Variants in MC1R observed in about 807,000 individuals in gnomAD.
The protein encoded by MC1R is melanocortin 1 receptor, also known as melanocyte-stimulating hormone receptor.
For synonymous variants in MC1R, 263 were observed against 203.8 expected (o/e 1.29, Z -2.47); for missense variants, 542 against 430.0 (o/e 1.26, Z -2.30).
At position 89,920,817 on chromosome 16, in the gene MC1R, C is replaced by T. The variant is rs942931543; in HGVS notation, c.*605C>T. ...TATGGGGCTGAGCCCTCCTGAGGGCCGGTTCTAAGGCTCAGACTGGGCACT... is the reference window on the plus strand; with the variant it reads ...TATGGGGCTGAGCCCTCCTGAGGGCTGGTTCTAAGGCTCAGACTGGGCACT... On this transcript the variant is annotated 3_prime_UTR_variant, in exon 1 of 1. Transcript: ENST00000555147. 1.9e-5 allele frequency: 12 copies of T among 623,616 alleles called. No homozygotes were observed. The highest frequency in any genetic ancestry group is 3.2e-5 in the Non-Finnish European group (11 of 341,502). The allele number at this position is 623,616 out of a possible 1,614,324, so 38.6% of individuals were successfully genotyped here.
rs886052507 is a variant in MC1R at position 89,920,323 on chromosome 16, CAA to C, written c.*113_*114del. On this transcript the variant is annotated 3_prime_UTR_variant, in exon 1 of 1. Coordinates refer to ENST00000555147, the MANE Select transcript of MC1R (RefSeq NM_002386.4). Reference sequence around the variant, plus strand: ...CCTTACCTCCCTGGTCCCCGTTTGTCAAAGAGGATGGACTAAATGATCTCTGA... The same window carrying C: ...CCTTACCTCCCTGGTCCCCGTTTGTCAGAGGATGGACTAAATGATCTCTGA... 1.8e-4 allele frequency: 165 copies of C among 902,038 alleles called. No individual in the cohort carries two copies. The highest frequency in any genetic ancestry group is 2.3e-4 in the Non-Finnish European group (134 of 578,006). 55.9% of individuals were successfully genotyped at this position (902,038 alleles called of 1,614,324 possible).
In MC1R at chr16:89,919,959, G is replaced by A; in HGVS notation, c.701G>A (p.Gly234Asp). The change falls in exon 1 of 1, where the codon GGC becomes GAC. Residue 234 changes from glycine to aspartate, a missense_variant. Gly to Asp is a moderately conservative substitution (Grantham distance 94). Transcript: ENST00000555147. ...LHKRQRPVHQGFGLKGAVTLT... is the reference protein window; with the variant it reads ...LHKRQRPVHQDFGLKGAVTLT... ...AAGAGGCAGCGCCCGGTCCACCAGG[G>A]CTTTGGCCTTAAAGGCGCTGTCACC... The A allele has an allele frequency of 1.2e-6, 2 of 1,612,452 alleles. No individual in the cohort carries two copies. Among genetic ancestry groups the A allele is most frequent in the South Asian group, 1.1e-5 (1 of 91,092 alleles).
In MC1R at chr16:89,918,903, A is replaced by G. The variant is rs76337330; in HGVS notation, c.-356A>G. The G allele has an allele frequency of 9.4e-3, 2,731 of 289,956 alleles. 37 individuals carry two copies. The highest frequency in any genetic ancestry group is 0.068 in the South Asian group (586 of 8,560). 18.0% of individuals were successfully genotyped at this position (289,956 alleles called of 1,614,324 possible). A position where few individuals can be genotyped will look rare whatever the true frequency, so the allele number is the denominator to read the frequency against. ...CAGCGCAGCCCTGGCCCAGGAAGGC[A>G]GGAGACAGAGGCCAGGACGGTCCAG... On this transcript the variant is annotated 5_prime_UTR_variant, in exon 1 of 1. Coordinates refer to ENST00000555147, the MANE Select transcript of MC1R (RefSeq NM_002386.4).
Position 89,919,148 on chromosome 16 carries a change from G to T in MC1R, c.-111G>T. The T allele has an allele frequency of 1.4e-6, 1 of 738,586 alleles. No homozygotes were observed. The highest frequency in any genetic ancestry group is 2.2e-6 in the Non-Finnish European group (1 of 453,308). 45.8% of individuals were successfully genotyped at this position (738,586 alleles called of 1,614,324 possible). ...CAGATGGAAGGAGGCAGGCATGGGG[G>T]ACACCCAAGGCCCCCTGGCAGCACC... On this transcript the variant is annotated 5_prime_UTR_variant, in exon 1 of 1. Coordinates refer to ENST00000555147, the MANE Select transcript of MC1R (RefSeq NM_002386.4).
In MC1R at chr16:89,919,206, C is replaced by A. The variant is rs1267550059; in HGVS notation, c.-53C>A. 1.6e-6 allele frequency: 2 copies of A among 1,271,082 alleles called. No individual in the cohort carries two copies. The highest frequency in any genetic ancestry group is 5.0e-5 in the Admixed American group (2 of 39,982). The allele number at this position is 1,271,082 out of a possible 1,614,324, so 78.7% of individuals were successfully genotyped here. On this transcript the variant is annotated 5_prime_UTR_variant, in exon 1 of 1. In the 5' UTR this introduces an upstream ATG that the reference lacks. Coordinates refer to ENST00000555147, the MANE Select transcript of MC1R (RefSeq NM_002386.4). ...AAGCAGGACACCTGGAGGGGAAGAA[C>A]TGTGGGGACCTGGAGGCCTCCAACG...
At position 89,919,924 on chromosome 16, in the gene MC1R, C is replaced by G. The variant is rs2045702332; in HGVS notation, c.666C>G (p.Ala222=). The G allele has an allele frequency of 6.2e-7, 1 of 1,609,758 alleles. No homozygotes were observed. The highest frequency in any genetic ancestry group is 8.5e-7 in the Non-Finnish European group (1 of 1,179,846). ...CCTGCCAGCACGCCCAGGGCATCGCCCGGCTCCACAAGAGGCAGCGCCCGG... is the reference window on the plus strand; with the variant it reads ...CCTGCCAGCACGCCCAGGGCATCGCGCGGCTCCACAAGAGGCAGCGCCCGG... ...ARACQHAQGI[A]RLHKRQRPVH... The change falls in exon 1 of 1, where the codon GCC becomes GCG. Residue 222 remains alanine, a synonymous_variant. Transcript: ENST00000555147.
rs1567758040 is a variant in MC1R at position 89,919,465 on chromosome 16, GC to G, written c.208del (p.His70ThrfsTer18). 1.2e-6 allele frequency: 2 copies of G among 1,613,300 alleles called. No individual in the cohort carries two copies. The highest frequency in any genetic ancestry group is 1.7e-6 in the Non-Finnish European group (2 of 1,179,896). On this transcript the variant is annotated frameshift_variant, in exon 1 of 1. Coordinates refer to ENST00000555147, the MANE Select transcript of MC1R (RefSeq NM_002386.4). LOFTEE classifies it low-confidence loss of function (END_TRUNC). ...VATIAKNRNL[H>X]SPMYCFICCL... ...CCACCATCGCCAAGAACCGGAACCT[GC>G]ACTCACCCATGTACTGCTTCATCTG...
rs200616835 is a variant in MC1R, at chr16:89,919,621, C to G, written c.363C>G (p.Asp121Glu). ...TGCAGCAGCTGGACAATGTCATTGACGTGATCACCTGCAGCTCCATGCTGT... is the reference window on the plus strand; with the variant it reads ...TGCAGCAGCTGGACAATGTCATTGAGGTGATCACCTGCAGCTCCATGCTGT... ...AVLQQLDNVI[D>E]VITCSSMLSS... is the part of the protein sequence containing the mutation. The change falls in exon 1 of 1, where the codon GAC (aspartate) becomes GAG (glutamate). Residue 121 changes from aspartate (D) to glutamate (E), a missense_variant. By Grantham distance (45) the Asp-to-Glu change is conservative. Transcript: ENST00000555147. The G allele has an allele frequency of 7.7e-5, 124 of 1,607,740 alleles. No homozygotes were observed. Among genetic ancestry groups the G allele is most frequent in the Non-Finnish European group, 9.8e-5 (116 of 1,179,816 alleles).
Position 89,919,198 on chromosome 16 carries a change from G to T in MC1R, c.-61G>T. On this transcript the variant is annotated 5_prime_UTR_variant, in exon 1 of 1. Transcript: ENST00000555147. ...CATGAACTAAGCAGGACACCTGGAG[G>T]GGAAGAACTGTGGGGACCTGGAGGC... The T allele has an allele frequency of 8.4e-7, 1 of 1,193,416 alleles. No homozygotes were observed. The highest frequency in any genetic ancestry group is 2.6e-5 in the East Asian group (1 of 38,840). The allele number at this position is 1,193,416 out of a possible 1,614,324, so 73.9% of individuals were successfully genotyped here.
Position 89,919,667 on chromosome 16 carries a change from G to T in MC1R, c.409G>T (p.Ala137Ser). 1.2e-6 allele frequency: 2 copies of T among 1,606,150 alleles called. No homozygotes were observed. Residue 137 changes from alanine (A) to serine (S), a missense_variant, in exon 1 of 1, where the codon GCC becomes TCC. Coordinates refer to ENST00000555147, the MANE Select transcript of MC1R (RefSeq NM_002386.4). ...GCTGTCCAGCCTCTGCTTCCTGGGCGCCATCGCCGTGGACCGCTACATCTC... is the reference window on the plus strand; with the variant it reads ...GCTGTCCAGCCTCTGCTTCCTGGGCTCCATCGCCGTGGACCGCTACATCTC... Reference protein sequence around the residue: ...SMLSSLCFLGAIAVDRYISIF... With the variant: ...SMLSSLCFLGSIAVDRYISIF...
chr16:89,920,925 G>A lies in MC1R; in HGVS notation c.*713G>A. 3 of 567,172 alleles carry A rather than the reference G, an allele frequency of 5.3e-6. No individual in the cohort carries two copies. Among genetic ancestry groups the A allele is most frequent in the Non-Finnish European group, 6.4e-6 (2 of 313,250 alleles). 35.1% of individuals were successfully genotyped at this position (567,172 alleles called of 1,614,324 possible). A position where few individuals can be genotyped will look rare whatever the true frequency, so the allele number is the denominator to read the frequency against. On this transcript the variant is annotated 3_prime_UTR_variant, in exon 1 of 1. Coordinates refer to ENST00000555147, the MANE Select transcript of MC1R (RefSeq NM_002386.4). ...CTGACTCAGTGACCAGTGCCTGTGA[G>A]CATGGGGCCAGGAAAGTCTGGTAAT...
rs780875127 is a variant in MC1R at position 89,919,753 on chromosome 16, T to TG, written c.496dup (p.Ala166GlyfsTer73). 26 of 1,608,252 alleles carry TG rather than the reference T, an allele frequency of 1.6e-5. No homozygotes were observed. The highest frequency in any genetic ancestry group is 2.1e-5 in the Non-Finnish European group (25 of 1,179,818). On this transcript the variant is annotated frameshift_variant, in exon 1 of 1. Transcript: ENST00000555147. LOFTEE classifies it low-confidence loss of function (END_TRUNC). ...CCCTGCCGCGGGCGCGGCGAGCCGT[T>TG]GCGGCCATCTGGGTGGCCAGTGTCG...
Position 89,919,670 on chromosome 16 carries a change from A to T in MC1R, c.412A>T (p.Ile138Phe). 6.2e-7 allele frequency: 1 copy of T among 1,606,264 alleles called. No individual in the cohort carries two copies. The highest frequency in any genetic ancestry group is 8.5e-7 in the Non-Finnish European group (1 of 1,179,536). ...MLSSLCFLGA[I>F]AVDRYISIFY... ...GTCCAGCCTCTGCTTCCTGGGCGCC[A>T]TCGCCGTGGACCGCTACATCTCCAT... Residue 138 changes from isoleucine to phenylalanine, a missense_variant, in exon 1 of 1, where the codon ATC becomes TTC. Ile to Phe is a conservative substitution (Grantham distance 21, BLOSUM62 0). Transcript: ENST00000555147.
rs1222774760 is a variant in MC1R, at chr16:89,919,802, T to C, written c.544T>C (p.Tyr182His). Residue 182 changes from tyrosine (Y) to histidine (H), a missense_variant, in exon 1 of 1, where the codon TAC (tyrosine) becomes CAC (histidine). Transcript: ENST00000555147. ...SVVFSTLFIA[Y>H]YDHVAVLLCL... The stretch of plus-strand genomic sequence containing the variant: ...CGTCTTCAGCACGCTCTTCATCGCC[T>C]ACTACGACCACGTGGCCGTCCTGCT... The C allele has an allele frequency of 1.9e-6, 3 of 1,607,782 alleles. No individual in the cohort carries two copies. Among genetic ancestry groups the C allele is most frequent in the East Asian group, 2.2e-5 (1 of 44,866 alleles).
Position 89,919,698 on chromosome 16 carries a change from T to C in MC1R, c.440T>C (p.Phe147Ser), listed in dbSNP as rs1283145288. 1 of 1,606,412 alleles carries C rather than the reference T, an allele frequency of 6.2e-7. No individual in the cohort carries two copies. The highest frequency in any genetic ancestry group is 2.2e-5 in the East Asian group (1 of 44,874). Reference sequence around the variant, plus strand: ...GCCGTGGACCGCTACATCTCCATCTTCTACGCACTGCGCTACCACAGCATC... The same window carrying C: ...GCCGTGGACCGCTACATCTCCATCTCCTACGCACTGCGCTACCACAGCATC... The part of the protein sequence containing the change: ...AIAVDRYISI[F>S]YALRYHSIVT... Residue 147 changes from phenylalanine to serine, a missense_variant, in exon 1 of 1, where the codon TTC (phenylalanine) becomes TCC (serine). Transcript: ENST00000555147.
Position 89,919,196 on chromosome 16 carries a change from A to C in MC1R, c.-63A>C. 5.1e-6 allele frequency: 6 copies of C among 1,167,856 alleles called. No individual in the cohort carries two copies. Among genetic ancestry groups the C allele is most frequent in the Non-Finnish European group, 7.2e-6 (6 of 833,958 alleles). 72.3% of individuals were successfully genotyped at this position (1,167,856 alleles called of 1,614,324 possible). A position where few individuals can be genotyped will look rare whatever the true frequency, so the allele number is the denominator to read the frequency against. On this transcript the variant is annotated 5_prime_UTR_variant, in exon 1 of 1. Transcript: ENST00000555147. Reference sequence around the variant, plus strand: ...ACCATGAACTAAGCAGGACACCTGGAGGGGAAGAACTGTGGGGACCTGGAG... The same window carrying C: ...ACCATGAACTAAGCAGGACACCTGGCGGGGAAGAACTGTGGGGACCTGGAG...
In MC1R at chr16:89,920,317, G is replaced by A. The variant is rs140568765; in HGVS notation, c.*105G>A. On this transcript the variant is annotated 3_prime_UTR_variant, in exon 1 of 1. Coordinates refer to ENST00000555147, the MANE Select transcript of MC1R (RefSeq NM_002386.4). The stretch of plus-strand genomic sequence containing the variant: ...GCAGTTCCTTACCTCCCTGGTCCCC[G>A]TTTGTCAAAGAGGATGGACTAAATG... 5.7e-5 allele frequency: 54 copies of A among 943,684 alleles called. No individual in the cohort carries two copies. The highest frequency in any genetic ancestry group is 3.8e-4 in the African/African-American group (23 of 60,452). 58.5% of individuals were successfully genotyped at this position (943,684 alleles called of 1,614,324 possible). A position where few individuals can be genotyped will look rare whatever the true frequency, so the allele number is the denominator to read the frequency against.
chr16:89,919,823 C>T lies in MC1R; in HGVS notation c.565C>T (p.Leu189=), dbSNP rs1597415336. The T allele has an allele frequency of 6.2e-7, 1 of 1,607,146 alleles. No individual in the cohort carries two copies. Among genetic ancestry groups the T allele is most frequent in the South Asian group, 1.1e-5 (1 of 91,088 alleles). ...CGCCTACTACGACCACGTGGCCGTCCTGCTGTGCCTCGTGGTCTTCTTCCT... is the reference window on the plus strand; with the variant it reads ...CGCCTACTACGACCACGTGGCCGTCTTGCTGTGCCTCGTGGTCTTCTTCCT... ...FIAYYDHVAV[L]LCLVVFFLAM... The change falls in exon 1 of 1, where the codon CTG becomes TTG. Residue 189 remains leucine, a synonymous_variant. Coordinates refer to ENST00000555147, the MANE Select transcript of MC1R (RefSeq NM_002386.4).
At position 89,920,073 on chromosome 16, in the gene MC1R, C is replaced by T. The variant is rs12102534; in HGVS notation, c.815C>T (p.Thr272Met). Reference protein sequence around the residue: ...TLIVLCPEHPTCGCIFKNFNL... With the variant: ...TLIVLCPEHPMCGCIFKNFNL... ...ATCGTCCTCTGCCCCGAGCACCCCA[C>T]GTGCGGCTGCATCTTCAAGAACTTC... The change falls in exon 1 of 1, where the codon ACG becomes ATG. Residue 272 changes from threonine to methionine, a missense_variant. Thr to Met is a moderately conservative substitution (Grantham distance 81). Coordinates refer to ENST00000555147, the MANE Select transcript of MC1R (RefSeq NM_002386.4). The T allele has an allele frequency of 3.0e-5, 48 of 1,613,750 alleles. No homozygotes were observed. Among genetic ancestry groups the T allele is most frequent in the Admixed American group, 2.0e-4 (12 of 60,002 alleles).
Sources: gnomAD v4.1 joint callset for allele counts on GRCh38, gnomAD v4.1.1 for gene constraint, MANE v1.5 for transcripts, NCBI Gene and HGNC (gene_info 2026-07-23, HGNC 2026-07-21) for gene names.